Variants in MAX observed in about 807,000 individuals in gnomAD.
MAX encodes the protein protein max.
Under a neutral mutation model 22.3 loss-of-function variants are expected in MAX, and 3 were observed. The observed-to-expected ratio is 0.13, with a 90% confidence interval of 0.06 to 0.35. The LOEUF is 0.35. Ranked by LOEUF, MAX falls within the 10% of genes least tolerant of loss-of-function variation. The probability of loss-of-function intolerance (pLI) is 1.00; values close to 1 mark genes in which losing one functional copy is unlikely to be tolerated. For synonymous variants in MAX, 72 were observed against 77.7 expected, an observed-to-expected ratio of 0.93 and a Z score of 0.39; for missense variants, 119 against 209.4, an observed-to-expected ratio of 0.57 and a Z score of 2.66.
At position 65,027,830 on chromosome 14, in the gene MAX, A is replaced by T. The variant is rs1343968006; in HGVS notation, c.172-21546T>A. ...GCCACATCAGTTGACTCTAGAGCTC[A>T]TCTGCCATTAGAGATGCCAAGCCTA... On this transcript the variant is annotated intron_variant, in intron 3 of 3. Coordinates refer to the MAX transcript ENST00000341653. This position sits in a 1 kb window ranked among gnomAD's most constrained non-coding sequence, Gnocchi z 5.7. 3.1e-6 allele frequency: 5 copies of T among 1,601,714 alleles called. No individual in the cohort carries two copies.
chr14:65,022,996 A>G (rs192145168), intron 3 of MAX, among the ~76,000 whole-genome samples: 2 of 152,146 alleles, frequency 1.3e-5, no homozygotes, highest in Admixed American at 6.5e-5. Flanking sequence ...TTTGTATTAT[A>G]TGCTTATTTA....
intron 3 of MAX, among the ~76,000 whole-genome samples, chr14:65,021,475 G>C (rs992322484): frequency 3.3e-5 from 5 of 152,016 alleles, no homozygotes; most frequent in Non-Finnish European, 7.4e-5. Flanking sequence ...ACCTTTCAGT[G>C]AGGACACCAT....
Position 65,009,160 on chromosome 14 carries a change from G to A in MAX, c.172-2876C>T, listed in dbSNP as rs2061644996. 6.6e-6 allele frequency among the ~76,000 whole-genome samples: 1 copy of A among 152,182 alleles called. No homozygotes were observed. The highest frequency in any genetic ancestry group is 2.1e-4 in the South Asian group (1 of 4,830). On this transcript the variant is annotated intron_variant, in intron 3 of 3. Coordinates refer to the MAX transcript ENST00000341653. This position sits in a 1 kb window ranked among gnomAD's most constrained non-coding sequence, Gnocchi z 4.2. ...GAGGTGAGTTGAGAATGAAGGACCG[G>A]TGAGGGTATTAGTCAGCTTGGGCTG...
chr14:65,074,144 G>A (rs1201552155), downstream of MAX, among the ~76,000 whole-genome samples: 1 of 152,134 alleles, frequency 6.6e-6, no homozygotes, highest in East Asian at 1.9e-4. Flanking sequence ...CAAACCAACT[G>A]TATACTTAAG....
chr14:65,006,209 CA>C lies in MAX; in HGVS notation c.246del (p.His82GlnfsTer?). 1 of 1,610,908 alleles carries C rather than the reference CA, an allele frequency of 6.2e-7. No homozygotes were observed. The highest frequency in any genetic ancestry group is 8.5e-7 in the Non-Finnish European group (1 of 1,179,186). On this transcript the variant is annotated frameshift_variant, in exon 4 of 4. Transcript: ENST00000341653. LOFTEE classifies it high-confidence loss of function. ...CCTTAAGAAACTTTTTCTGATTAGC[CA>C]TGGCAGAAAACAGTTGGAAAAGGCA...
intron 3 of MAX, among the ~76,000 whole-genome samples, chr14:65,025,508 T>A (rs1055287032): frequency 2.6e-5 from 4 of 152,150 alleles, no homozygotes; most frequent in African/African-American, 9.7e-5. Flanking sequence ...CTACAGAAAT[T>A]AATTGCTGTT....
rs924142051 is a variant in MAX at position 65,054,640 on chromosome 14, G to A, written c.171+39068C>T. 1.2e-6 allele frequency: 2 copies of A among 1,613,628 alleles called. No individual in the cohort carries two copies. Among genetic ancestry groups the A allele is most frequent in the East Asian group, 2.2e-5 (1 of 44,840 alleles). On this transcript the variant is annotated intron_variant, in intron 3 of 3. Coordinates refer to the MAX transcript ENST00000341653. The surrounding 1 kb of genome is among the most constrained non-coding windows in gnomAD (Gnocchi z 4.4). ...CTGTCCATAGCCCAGCACTTCGGCAGCGGAGCCATGTTGCATGATGTGGTC... is the reference window on the plus strand; with the variant it reads ...CTGTCCATAGCCCAGCACTTCGGCAACGGAGCCATGTTGCATGATGTGGTC...
chr14:65,087,507 G>T (rs1455628641), intron 3 of MAX, among the ~76,000 whole-genome samples: 1 of 152,226 alleles, frequency 6.6e-6, no homozygotes, highest in Non-Finnish European at 1.5e-5. Context: ...GAGACATGGA[G>T]TCAAAGGAGA....
chr14:65,015,517 C>CCTCCTCCCCCTTGCCAGGCTGCT, intron 3 of MAX: 2 of 1,024,270 alleles, frequency 2.0e-6, no homozygotes, highest in Non-Finnish European at 2.8e-6. Flanking sequence ...GCAAGGGTGC[C>CCTCCTCCCCCTTGCCAGGCTGCT]CTCCTCCCCC....
At chr14:65,060,697 C>CAAAAAAAAAAAAA (rs59036615) in intron 3 of MAX, among the ~76,000 whole-genome samples, 1 of 48,632 alleles carries the variant, frequency 2.1e-5, no homozygotes, top group African/African-American at 2.5e-4. Flanking sequence ...GACTCCGTCT[C>CAAAAAAAAAAAAA]AAAAAAAAAA....
In MAX at chr14:65,032,627, C is replaced by T. The variant is rs1331351989; in HGVS notation, c.172-26343G>A. 3 of 1,613,792 alleles carry T rather than the reference C, an allele frequency of 1.9e-6. No individual in the cohort carries two copies. The highest frequency in any genetic ancestry group is 2.5e-6 in the Non-Finnish European group (3 of 1,180,028). ...CTTTCCAGAAGCGCATACTGTGCTG[C>T]CTCCGTAGCCTCGCTGACCAACATC... On this transcript the variant is annotated intron_variant, in intron 3 of 3. Transcript: ENST00000341653. This position sits in a 1 kb window ranked among gnomAD's most constrained non-coding sequence, Gnocchi z 5.0.
Position 65,018,455 on chromosome 14 carries a change from G to A in MAX, c.172-12171C>T, listed in dbSNP as rs920306290. Among the ~76,000 whole-genome samples, 3 of 152,206 alleles carry A rather than the reference G, an allele frequency of 2.0e-5. No homozygotes were observed. In the East Asian group the frequency reaches 5.8e-4, roughly 29 times the overall value. Reference sequence around the variant, plus strand: ...AAAAATATAGATGATGATATGCATAGATAGAACCAGAAAGATACATGTAGT... The same window carrying A: ...AAAAATATAGATGATGATATGCATAAATAGAACCAGAAAGATACATGTAGT... On this transcript the variant is annotated intron_variant, in intron 3 of 3. Coordinates refer to the MAX transcript ENST00000341653.
rs1328217467 is a variant in MAX at position 65,054,878 on chromosome 14, T to C, written c.171+38830A>G. ...AGAGGAGACGCACCTCTGGGCAAGC[T>C]CAGGGTTCCAGATGGGCGGTCTGAT... On this transcript the variant is annotated intron_variant, in intron 3 of 3. Transcript: ENST00000341653. The surrounding 1 kb of genome is among the most constrained non-coding windows in gnomAD (Gnocchi z 4.4). Among the ~76,000 whole-genome samples, 1 of 152,222 alleles carries C rather than the reference T, an allele frequency of 6.6e-6. No homozygotes were observed.
chr14:65,073,217 A>T (rs1184624770), downstream of MAX, among the ~76,000 whole-genome samples: 2 of 152,230 alleles, frequency 1.3e-5, no homozygotes, highest in Non-Finnish European at 2.9e-5. Flanking sequence ...CGAGTGGCAG[A>T]GACAGGACTG....
Position 65,037,418 on chromosome 14 carries a change from T to C in MAX, c.172-31134A>G, listed in dbSNP as rs1201842361. On this transcript the variant is annotated intron_variant, in intron 3 of 3. Coordinates refer to the MAX transcript ENST00000341653. ...ACGCCGGGCCCTTTTTTTTTTTTTTTTTTTTTTTTTTTTTTTTTTTTTTTT... is the reference window on the plus strand; with the variant it reads ...ACGCCGGGCCCTTTTTTTTTTTTTTCTTTTTTTTTTTTTTTTTTTTTTTTT... 7.2e-4 allele frequency among the ~76,000 whole-genome samples: 70 copies of C among 97,474 alleles called. 2 individuals carry two copies. The highest frequency in any genetic ancestry group is 1.1e-3 in the Admixed American group (9 of 8,304). 63.9% of individuals were successfully genotyped at this position (97,474 alleles called of 152,430 possible).
intron 3 of MAX, chr14:65,083,923 C>A: frequency 7.6e-7 from 1 of 1,309,308 alleles, no homozygotes. Flanking sequence ...AAAGAATATG[C>A]ACAATAAATT....
chr14:65,088,392 G>C lies in MAX; in HGVS notation c.171+5316C>G, dbSNP rs2063400866. Among the ~76,000 whole-genome samples, 1 of 152,190 alleles carries C rather than the reference G, an allele frequency of 6.6e-6. No homozygotes were observed. Among genetic ancestry groups the C allele is most frequent in the Non-Finnish European group, 1.5e-5 (1 of 68,030 alleles). Reference sequence around the variant, plus strand: ...ATTGCTGAGCCTGGAGCCTAAGGGAGACTTGGGCAACTATGGGCAACAATT... The same window carrying C: ...ATTGCTGAGCCTGGAGCCTAAGGGACACTTGGGCAACTATGGGCAACAATT... On this transcript the variant is annotated intron_variant, in intron 3 of 4. Coordinates refer to ENST00000358664, the MANE Select transcript of MAX (RefSeq NM_002382.5). This position sits in a 1 kb window ranked among gnomAD's most constrained non-coding sequence, Gnocchi z 5.2.
chr14:65,086,403 T>C (rs988292125), intron 3 of MAX, among the ~76,000 whole-genome samples: 7 of 152,170 alleles, frequency 4.6e-5, no homozygotes, highest in Admixed American at 3.9e-4. Context: ...GTTTCAAACT[T>C]CCTAAGGACT....
Position 65,076,118 on chromosome 14 carries a change from C to T in MAX, c.*358G>A. The stretch of plus-strand genomic sequence containing the variant: ...AGGGCAGGCGTCCCCCGGGCATGTG[C>T]CCGGCAGGGCTGGAGGAGCTGGTAG... On this transcript the variant is annotated 3_prime_UTR_variant, in exon 5 of 5. Coordinates refer to ENST00000358664, the MANE Select transcript of MAX (RefSeq NM_002382.5). This position sits in a 1 kb window ranked among gnomAD's most constrained non-coding sequence, Gnocchi z 6.6. 7.7e-7 allele frequency: 1 copy of T among 1,290,702 alleles called. No homozygotes were observed. The highest frequency in any genetic ancestry group is 9.8e-7 in the Non-Finnish European group (1 of 1,017,524). The allele number at this position is 1,290,702 out of a possible 1,614,324, so 80.0% of individuals were successfully genotyped here. A position where few individuals can be genotyped will look rare whatever the true frequency, so the allele number is the denominator to read the frequency against.
Sources: gnomAD v4.1 joint callset for allele counts (sites outside exome capture counted in the v4.1 genomes callset) on GRCh38, gnomAD v4.1.1 for gene constraint, Gnocchi (gnomAD v3.1) non-coding constraint, MANE v1.5 for transcripts, NCBI Gene and HGNC (gene_info 2026-07-23, HGNC 2026-07-21) for gene names.